Variants in MARCHF1 observed in about 807,000 individuals in gnomAD.
MARCHF1 encodes membrane associated ring-CH-type finger 1.
In MARCHF1, 40 loss-of-function variants were observed where a neutral mutation model predicts 54.2. The observed-to-expected ratio is 0.74, with a 90% CI of 0.57 to 0.96. The LOEUF is 0.96. Among genes scored for constraint, MARCHF1 ranks in the 40% least tolerant of loss-of-function variants. The probability of loss-of-function intolerance (pLI) is 0.00; values close to 1 mark genes in which losing one functional copy is unlikely to be tolerated. For synonymous variants in MARCHF1, 236 were observed against 236.3 expected, an observed-to-expected ratio of 1.00 and a Z score of 0.01; for missense variants, 586 against 656.5, an observed-to-expected ratio of 0.89 and a Z score of 1.17.
At chr4:164,047,724 C>T (rs920462692) in intron 2 of MARCHF1, among the ~76,000 whole-genome samples, 2 of 152,086 alleles carry the variant, frequency 1.3e-5, no homozygotes, top group African/African-American at 4.8e-5. Context: ...AGATCATATC[C>T]ATCCTTCAAG....
intron 1 of MARCHF1, among the ~76,000 whole-genome samples, chr4:164,191,045 G>A (rs1230398406): frequency 6.6e-6 from 1 of 152,144 alleles, no homozygotes; most frequent in East Asian, 1.9e-4. Context: ...TAGATCCACA[G>A]AATTGTGCAA....
intron 1 of MARCHF1, among the ~76,000 whole-genome samples, chr4:164,275,494 C>T (rs1383467204): frequency 1.3e-5 from 2 of 152,192 alleles, no homozygotes; most frequent in African/African-American, 4.8e-5. Flanking sequence ...ATAAGTGTTA[C>T]TAATTAATGA....
chr4:163,620,567 CCACA>C lies in MARCHF1; in HGVS notation c.163-7178_163-7175del, dbSNP rs138692310. On this transcript the variant is annotated intron_variant, in intron 5 of 9. Transcript: ENST00000514618. ...TAAGCCATAAAAAGAATGAGGTACA[CCACA>C]CACACACACACACACACACACACAC... is the stretch of plus-strand genomic sequence containing the variant. Among the ~76,000 whole-genome samples the C allele has an allele frequency of 4.8e-3, 572 of 120,040 alleles. 1 individual carries two copies. Among genetic ancestry groups the C allele is most frequent in the East Asian group, 9.6e-3 (41 of 4,256 alleles). The allele number at this position is 120,040 out of a possible 152,430, so 78.8% of individuals were successfully genotyped here. A position where few individuals can be genotyped will look rare whatever the true frequency, so the allele number is the denominator to read the frequency against.
chr4:163,695,076 T>A (rs1453424187), intron 5 of MARCHF1, among the ~76,000 whole-genome samples: 6 of 152,144 alleles, frequency 3.9e-5, no homozygotes, highest in Non-Finnish European at 8.8e-5. Flanking sequence ...GATTTATAGG[T>A]CCATTGTGTT....
chr4:163,664,254 C>A (rs1245032183), intron 5 of MARCHF1, among the ~76,000 whole-genome samples: 2 of 151,708 alleles, frequency 1.3e-5, no homozygotes, highest in African/African-American at 4.9e-5. Context: ...AATGATTTTG[C>A]TGAGAACAGA....
intron 1 of MARCHF1, among the ~76,000 whole-genome samples, chr4:164,186,783 A>C (rs1730981845): frequency 6.6e-6 from 1 of 152,178 alleles, no homozygotes; most frequent in African/African-American, 2.4e-5. Flanking sequence ...AGATATTATC[A>C]GGTTCTTTGT....
chr4:164,379,388 C>A (rs1252200610), intron 1 of MARCHF1, among the ~76,000 whole-genome samples: 1 of 151,808 alleles, frequency 6.6e-6, no homozygotes, highest in East Asian at 1.9e-4. Context: ...ACAGTGAAAC[C>A]ATCTATTAAA....
intron 1 of MARCHF1, among the ~76,000 whole-genome samples, chr4:164,124,319 A>G (rs1266177812): frequency 1.3e-5 from 2 of 152,142 alleles, no homozygotes; most frequent in African/African-American, 2.4e-5. Context: ...ACCTTGGCAC[A>G]CTGTTGGTGG....
At chr4:163,886,471 T>A (rs925309672) in intron 3 of MARCHF1, among the ~76,000 whole-genome samples, 2 of 151,826 alleles carry the variant, frequency 1.3e-5, no homozygotes, top group South Asian at 4.1e-4. Context: ...GTAACTAGCA[T>A]GAGGCAGCTT....
chr4:164,180,405 T>A (rs1730802676), intron 1 of MARCHF1, among the ~76,000 whole-genome samples: 1 of 152,176 alleles, frequency 6.6e-6, no homozygotes, highest in African/African-American at 2.4e-5. Context: ...TTATAAAAAA[T>A]TGCTACCTAA....
At chr4:164,180,370 G>GCA (rs1730801488) in intron 1 of MARCHF1, among the ~76,000 whole-genome samples, 2 of 152,056 alleles carry the variant, frequency 1.3e-5, no homozygotes, top group Admixed American at 6.6e-5. Flanking sequence ...GAAGATTAGT[G>GCA]CAACTAACCT....
intron 7 of MARCHF1, among the ~76,000 whole-genome samples, chr4:163,591,552 A>T (rs893897164): frequency 6.6e-6 from 1 of 152,120 alleles, no homozygotes; most frequent in South Asian, 2.1e-4. Flanking sequence ...ATTTGTATTG[A>T]TATTCAGAGT....
intron 3 of MARCHF1, among the ~76,000 whole-genome samples, chr4:163,899,913 T>G (rs1465255943): frequency 1.3e-5 from 2 of 151,910 alleles, no homozygotes; most frequent in Non-Finnish European, 2.9e-5. Context: ...CCACACATGT[T>G]GCCAAGTTAG....
intron 5 of MARCHF1, among the ~76,000 whole-genome samples, chr4:163,637,541 A>C (rs1742383124): frequency 6.6e-6 from 1 of 151,924 alleles, no homozygotes; most frequent in Non-Finnish European, 1.5e-5. Flanking sequence ...AACCACAATG[A>C]GATACCATCT....
intron 1 of MARCHF1, among the ~76,000 whole-genome samples, chr4:164,198,261 T>C (rs1168446663): frequency 6.6e-6 from 1 of 152,342 alleles, no homozygotes; most frequent in East Asian, 1.9e-4. Flanking sequence ...AATTATGAAT[T>C]TTCCACTTCT....
At position 163,725,040 on chromosome 4, in the gene MARCHF1, AG is replaced by A. The variant is rs548966707; in HGVS notation, c.112-24178del. Among the ~76,000 whole-genome samples, 755 of 152,134 alleles carry A rather than the reference AG, an allele frequency of 5.0e-3. 7 individuals are homozygous for A. Among genetic ancestry groups the A allele is most frequent in the Middle Eastern group, 0.014 (4 of 294 alleles). ...CTGCCCCCACTGTCCAACGATCCCCAGTGAGATGAACCCAGTACCTCAGTTG... is the reference window on the plus strand; with the variant it reads ...CTGCCCCCACTGTCCAACGATCCCCATGAGATGAACCCAGTACCTCAGTTG... On this transcript the variant is annotated intron_variant, in intron 4 of 9. Transcript: ENST00000514618.
chr4:163,731,735 A>T (rs1745836664), intron 4 of MARCHF1, among the ~76,000 whole-genome samples: 1 of 152,190 alleles, frequency 6.6e-6, no homozygotes, highest in African/African-American at 2.4e-5. Context: ...TAGTAGACAC[A>T]TTGTCTAGAT....
At chr4:164,051,954 A>T (rs917260810) in intron 2 of MARCHF1, among the ~76,000 whole-genome samples, 1 of 152,182 alleles carries the variant, frequency 6.6e-6, no homozygotes, top group Admixed American at 6.5e-5. Flanking sequence ...CAGCTACCTA[A>T]AATGAATGTT....
intron 5 of MARCHF1, among the ~76,000 whole-genome samples, chr4:163,663,870 ATTGT>A: frequency 6.6e-6 from 1 of 152,096 alleles, no homozygotes; most frequent in Non-Finnish European, 1.5e-5. Flanking sequence ...TTACTACTAG[ATTGT>A]TTATCAGAAC....
Sources: allele counts gnomAD v4.1 joint callset (sites outside exome capture counted in the v4.1 genomes callset), GRCh38; gene constraint gnomAD v4.1.1; transcripts MANE v1.5; gene names NCBI Gene and HGNC (gene_info 2026-07-23, HGNC 2026-07-21).